GLIS3: variants seen among roughly 807,000 people sequenced by gnomAD.
GLIS3 encodes zinc finger protein GLIS3.
GLIS3 carries 53 observed loss-of-function variants against 78.6 expected under a neutral mutation model. That is an observed-to-expected ratio of 0.67 (90% CI 0.54 to 0.85). The LOEUF is 0.85. Ranked by LOEUF, GLIS3 falls within the 40% of genes least tolerant of loss-of-function variation. GLIS3 has a pLI of 0.00. For missense variants in GLIS3, 1,703 were observed against 1,231.1 expected (o/e 1.38, Z -5.74); for synonymous variants, 684 against 509.9 (o/e 1.34, Z -4.60).
At chr9:4,004,648 C>A (rs1380353786) in intron 4 of GLIS3, among the ~76,000 whole-genome samples, 1 of 152,180 alleles carries the variant, frequency 6.6e-6, no homozygotes, top group Non-Finnish European at 1.5e-5. Context: ...CTGAGCAGCT[C>A]TCTTGGTTTA....
At chr9:4,328,885 T>C (rs749823305) in intron 2 of GLIS3, among the ~76,000 whole-genome samples, 4 of 151,966 alleles carry the variant, frequency 2.6e-5, no homozygotes, top group Non-Finnish European at 5.9e-5. Flanking sequence ...AGAAGAGGAG[T>C]GTGACTCAGC....
intron 2 of GLIS3, among the ~76,000 whole-genome samples, chr9:4,206,498 A>T (rs1002687310): frequency 6.6e-6 from 1 of 152,236 alleles, no homozygotes; most frequent in Non-Finnish European, 1.5e-5. Flanking sequence ...AGCTTTATGA[A>T]CTGCTTTGGA....
the GLIS3 span, among the ~76,000 whole-genome samples, chr9:4,382,519 G>A: frequency 6.6e-6 from 1 of 152,144 alleles, no homozygotes; most frequent in Non-Finnish European, 1.5e-5. Context: ...TGCTTAGTCT[G>A]AATTCCTATG....
intron 8 of GLIS3, among the ~76,000 whole-genome samples, chr9:3,876,840 T>TA (rs928777062): frequency 4.8e-4 from 72 of 151,112 alleles, no homozygotes; most frequent in African/African-American, 1.6e-3. Flanking sequence ...TACAAAATGT[T>TA]AAAAAAAGAC....
Position 4,117,888 on chromosome 9 carries a change from T to A in GLIS3, c.1590A>T (p.Lys530Asn). 6.2e-7 allele frequency: 1 copy of A among 1,614,082 alleles called. No homozygotes were observed. Among genetic ancestry groups the A allele is most frequent in the South Asian group, 1.1e-5 (1 of 91,068 alleles). Residue 530 changes from lysine to asparagine, a missense_variant, in exon 4 of 11, where the codon AAA (lysine) becomes AAT (asparagine). By Grantham distance (94) the Lys-to-Asn change is moderately conservative. Coordinates refer to ENST00000381971, the MANE Select transcript of GLIS3 (RefSeq NM_001042413.2). ...HIEKVHIDQR[K>N]GEDFTCFWAG... ...CCCAGAAGCAAGTGAAGTCCTCCCC[T>A]TTGCGCTGGTCGATGTGGACCTTCT...
At chr9:4,061,225 C>G (rs1427560193) in intron 4 of GLIS3, among the ~76,000 whole-genome samples, 1 of 134,030 alleles carries the variant, frequency 7.5e-6, no homozygotes, top group Non-Finnish European at 1.6e-5. Flanking sequence ...CTCCCCCCAC[C>G]CCATGACAGG....
the GLIS3 span, among the ~76,000 whole-genome samples, chr9:4,361,325 G>C: frequency 6.6e-6 from 1 of 152,218 alleles, no homozygotes; most frequent in Non-Finnish European, 1.5e-5. Flanking sequence ...AAAGGTCCCT[G>C]TGAGATTGGC....
chr9:3,997,750 T>C (rs921723512), intron 4 of GLIS3, among the ~76,000 whole-genome samples: 5 of 151,962 alleles, frequency 3.3e-5, no homozygotes, highest in Admixed American at 2.6e-4. Flanking sequence ...TCAAACTTAG[T>C]GGGGAAATAT....
the GLIS3 span, among the ~76,000 whole-genome samples, chr9:4,429,152 G>A: frequency 2.0e-5 from 3 of 152,108 alleles, no homozygotes; most frequent in Admixed American, 6.5e-5. Context: ...CCCATCTGAT[G>A]TCCTCACTCC....
chr9:4,286,541 C>T lies in GLIS3; in HGVS notation c.-98-18G>A, dbSNP rs559540480. On this transcript the variant is annotated intron_variant, in intron 1 of 10. Transcript: ENST00000381971. ...TTATAAGCCTGTTTAAAAAAATAAACGCAGGCATTTTTAAAAGCAAAAATG... is the reference window on the plus strand; with the variant it reads ...TTATAAGCCTGTTTAAAAAAATAAATGCAGGCATTTTTAAAAGCAAAAATG... 8.1e-5 allele frequency: 103 copies of T among 1,264,272 alleles called. No individual in the cohort carries two copies. The South Asian group carries it at 1.0e-3, about 13-fold the overall frequency. 78.3% of individuals were successfully genotyped at this position (1,264,272 alleles called of 1,614,324 possible). A position where few individuals can be genotyped will look rare whatever the true frequency, so the allele number is the denominator to read the frequency against.
At chr9:4,380,028 C>CA in the GLIS3 span, among the ~76,000 whole-genome samples, 22 of 152,136 alleles carry the variant, frequency 1.4e-4, no homozygotes, top group Admixed American at 9.2e-4. Context: ...TTACCATCCA[C>CA]AAGTCACCTA....
At chr9:4,215,862 T>A (rs950069544) in intron 2 of GLIS3, among the ~76,000 whole-genome samples, 4 of 152,212 alleles carry the variant, frequency 2.6e-5, no homozygotes, top group Non-Finnish European at 4.4e-5. Flanking sequence ...GCACACTCAG[T>A]AGTTTTCAAT....
At chr9:4,402,487 T>C in the GLIS3 span, among the ~76,000 whole-genome samples, 2 of 152,106 alleles carry the variant, frequency 1.3e-5, no homozygotes, top group African/African-American at 2.4e-5. Flanking sequence ...AATAAGGCAA[T>C]AGGGAACAAT....
rs1159484193 is a variant in GLIS3, at chr9:4,049,803, T to C, written c.1710+67965A>G. Among the ~76,000 whole-genome samples, 3 of 152,138 alleles carry C rather than the reference T, an allele frequency of 2.0e-5. No homozygotes were observed. The East Asian group carries it at 5.8e-4, about 29-fold the overall frequency. On this transcript the variant is annotated intron_variant, in intron 4 of 10. Coordinates refer to ENST00000381971, the MANE Select transcript of GLIS3 (RefSeq NM_001042413.2). ...GTGGGCAAAGGATATGAACAGACAC[T>C]TCTCGAAAGAAGACATTTATGCAGC... is the stretch of plus-strand genomic sequence containing the variant.
intron 6 of GLIS3, among the ~76,000 whole-genome samples, chr9:3,911,256 T>C (rs925067434): frequency 1.3e-5 from 2 of 152,190 alleles, no homozygotes; most frequent in Non-Finnish European, 2.9e-5. Flanking sequence ...GAGTTTACAG[T>C]GTGGCATGAA....
chr9:3,979,781 T>C (rs1381638317), intron 4 of GLIS3, among the ~76,000 whole-genome samples: 2 of 152,158 alleles, frequency 1.3e-5, no homozygotes, highest in African/African-American at 4.8e-5. Flanking sequence ...AAAAAGATAA[T>C]TATTGAGTGC....
At chr9:4,343,235 GAA>G (rs1356253152) in intron 2 of GLIS3, among the ~76,000 whole-genome samples, 1 of 152,072 alleles carries the variant, frequency 6.6e-6, no homozygotes, top group East Asian at 1.9e-4. Context: ...CCAGCTACTT[GAA>G]AGGCTGAGGT....
intron 2 of GLIS3, among the ~76,000 whole-genome samples, chr9:4,313,750 C>T (rs1456208323): frequency 6.6e-6 from 1 of 152,178 alleles, no homozygotes; most frequent in Non-Finnish European, 1.5e-5. Context: ...GTTCCAATGC[C>T]ACCTCCTCCC....
chr9:3,996,109 A>G (rs1820728522), intron 4 of GLIS3, among the ~76,000 whole-genome samples: 1 of 152,204 alleles, frequency 6.6e-6, no homozygotes, highest in Non-Finnish European at 1.5e-5. Flanking sequence ...AGGAGGAATC[A>G]TATCTTCAAA....
Sources: allele counts gnomAD v4.1 joint callset (sites outside exome capture counted in the v4.1 genomes callset), GRCh38; gene constraint gnomAD v4.1.1; transcripts MANE v1.5; gene names NCBI Gene and HGNC (gene_info 2026-07-23, HGNC 2026-07-21).